Variants in SYMPK observed in about 807,000 individuals in gnomAD.
SYMPK encodes the protein symplekin scaffold protein.
SYMPK carries 49 observed loss-of-function variants against 136.4 expected under a neutral mutation model. The observed-to-expected ratio is 0.36, with a 90% CI of 0.29 to 0.46. SYMPK has a LOEUF of 0.46. Among genes scored for constraint, SYMPK ranks in the 20% least tolerant of loss-of-function variants. The pLI, the probability that SYMPK is intolerant of heterozygous loss-of-function variation, is 1.00. For missense variants in SYMPK, 1,365 were observed against 1,690.0 expected, an observed-to-expected ratio of 0.81 and a Z score of 3.37; for synonymous variants, 766 against 713.0, an observed-to-expected ratio of 1.07 and a Z score of -1.19.
intron 23 of SYMPK, chr19:45,817,266 A>G (rs896439314): frequency 2.5e-6 from 1 of 397,840 alleles, no homozygotes; most frequent in Middle Eastern, 6.8e-4. Flanking sequence ...CTCTCATGAC[A>G]TTCTCACGGC....
chr19:45,817,247 C>T, intron 23 of SYMPK: 1 of 445,442 alleles, frequency 2.2e-6, no homozygotes, highest in Non-Finnish European at 4.0e-6. Context: ...CTAAGTGCTG[C>T]GGGAGCACCT....
At position 45,826,031 on chromosome 19, in the gene SYMPK, G is replaced by C. The variant is rs867694994; in HGVS notation, c.2329+195C>G. 7.2e-5 allele frequency among the ~76,000 whole-genome samples: 11 copies of C among 152,094 alleles called. No homozygotes were observed. In the South Asian group the frequency reaches 2.3e-3, roughly 32 times the overall value. ...GATGGCTGGCTCTCCTCGTCCTCCA[G>C]ATCTCTCTCCCTGACCCCCCAGGCT... is the stretch of plus-strand genomic sequence containing the variant. On this transcript the variant is annotated intron_variant, in intron 17 of 26. Coordinates refer to ENST00000245934, the MANE Select transcript of SYMPK (RefSeq NM_004819.3).
At chr19:45,839,311 G>T (rs1230455714) in intron 9 of SYMPK, among the ~76,000 whole-genome samples, 1 of 152,178 alleles carries the variant, frequency 6.6e-6, no homozygotes, top group Non-Finnish European at 1.5e-5. Context: ...GGAAACCAGG[G>T]TTCCTTAAAA....
chr19:45,815,571 C>A lies in SYMPK; in HGVS notation c.3814G>T (p.Gly1272Trp). The change falls in exon 27 of 27, where the codon GGG becomes TGG. Residue 1272 changes from glycine to tryptophan, a missense_variant. Physicochemically the swap from Gly to Trp is radical, Grantham distance 184 (BLOSUM62 -2). Around this residue, in one of 11 missense-constraint regions of SYMPK, gnomAD observed 341 missense variants for 270.5 expected, o/e 1.26. Transcript: ENST00000245934. ...AEDAREPEAK[G>W]NS Reference sequence around the variant, plus strand: ...CCCCTCGAGCCCCGTCAGCTGTTCCCCTTGGCCTCGGGTTCCCTGGCGTCC... The same window carrying A: ...CCCCTCGAGCCCCGTCAGCTGTTCCACTTGGCCTCGGGTTCCCTGGCGTCC... The A allele has an allele frequency of 6.3e-7, 1 of 1,596,352 alleles. No individual in the cohort carries two copies.
chr19:45,845,896 G>C (rs972283369), intron 7 of SYMPK, among the ~76,000 whole-genome samples: 2 of 152,066 alleles, frequency 1.3e-5, no homozygotes, highest in East Asian at 1.9e-4. Context: ...CTTTAACTGG[G>C]GTGAGACATT....
intron 10 of SYMPK, among the ~76,000 whole-genome samples, chr19:45,836,862 A>G (rs985672725): frequency 4.6e-5 from 7 of 152,126 alleles, no homozygotes; most frequent in Non-Finnish European, 1.0e-4. Flanking sequence ...AAGGCTACAC[A>G]GTGAACTTTA....
chr19:45,838,065 C>G (rs758905150), intron 10 of SYMPK, among the ~76,000 whole-genome samples: 7 of 151,930 alleles, frequency 4.6e-5, no homozygotes, highest in Non-Finnish European at 1.0e-4. Flanking sequence ...GGGGCCTGGT[C>G]GGGGGTGTTT....
At chr19:45,830,481 A>G in intron 12 of SYMPK, 1 of 399,402 alleles carries the variant, frequency 2.5e-6, no homozygotes, top group South Asian at 3.1e-5. Context: ...TGTCTGGGGG[A>G]CCAGCTCTCC....
intron 2 of SYMPK, 42 bp from the exon 3 acceptor site, chr19:45,854,282 C>T (rs370801617): frequency 6.7e-5 from 108 of 1,611,140 alleles, no homozygotes; most frequent in Non-Finnish European, 8.6e-5. Flanking sequence ...CCAGCCCAGT[C>T]CAGCCCAGTG....
chr19:45,845,303 T>TAA (rs1971533977), intron 7 of SYMPK, among the ~76,000 whole-genome samples: 1 of 152,040 alleles, frequency 6.6e-6, no homozygotes, highest in African/African-American at 2.4e-5. Flanking sequence ...TTATTTGTTC[T>TAA]AACTATTTTT....
Position 45,827,824 on chromosome 19 carries a change from G to A in SYMPK, c.2067+13C>T. 1.9e-6 allele frequency: 3 copies of A among 1,613,764 alleles called. No homozygotes were observed. The highest frequency in any genetic ancestry group is 1.7e-6 in the Non-Finnish European group (2 of 1,179,850). ...CCCTGCCCCGGGCTGCACTGACCAG[G>A]GCCTGTCCTCACCTCATCCTCGCAG... On this transcript the variant is annotated intron_variant, in intron 15 of 26. Coordinates refer to ENST00000245934, the MANE Select transcript of SYMPK (RefSeq NM_004819.3).
At position 45,821,858 on chromosome 19, in the gene SYMPK, G is replaced by A. The variant is rs1970908398; in HGVS notation, c.2792-373C>T. On this transcript the variant is annotated intron_variant, in intron 21 of 26. Transcript: ENST00000245934. The surrounding 1 kb of genome is among the most constrained non-coding windows in gnomAD (Gnocchi z 4.4). ...GGGTCATGGGCATTTGTGGCACAGGGCAAGATGGAGCCAGGCTACAGGCTT... is the reference window on the plus strand; with the variant it reads ...GGGTCATGGGCATTTGTGGCACAGGACAAGATGGAGCCAGGCTACAGGCTT... 6.6e-6 allele frequency among the ~76,000 whole-genome samples: 1 copy of A among 152,178 alleles called. No homozygotes were observed.
At chr19:45,817,248 G>A in intron 23 of SYMPK, 1 of 447,630 alleles carries the variant, frequency 2.2e-6, no homozygotes. Flanking sequence ...TAAGTGCTGC[G>A]GGAGCACCTC....
intron 11 of SYMPK, among the ~76,000 whole-genome samples, chr19:45,834,260 C>A (rs1156471765): frequency 6.6e-6 from 1 of 151,974 alleles, no homozygotes; most frequent in Non-Finnish European, 1.5e-5. Flanking sequence ...TGCACTCCAA[C>A]CTGGGTGACA....
intron 10 of SYMPK, among the ~76,000 whole-genome samples, chr19:45,837,339 C>G (rs916592114): frequency 6.6e-6 from 1 of 151,932 alleles, no homozygotes; most frequent in African/African-American, 2.4e-5. Flanking sequence ...GTAGAATGGC[C>G]GGGCATGGTG....
Position 45,848,008 on chromosome 19 carries a change from G to A in SYMPK, c.427-7C>T. ...CCCGTGACTTTACCATCCACTGCCA[G>A]CAGGCCAGGAAGGAATGGAAGAGAC... is the stretch of plus-strand genomic sequence containing the variant. On this transcript the variant is annotated splice_polypyrimidine_tract_variant and splice_region_variant and intron_variant, in intron 6 of 26. Transcript: ENST00000245934. The A allele has an allele frequency of 6.4e-7, 1 of 1,572,800 alleles. No individual in the cohort carries two copies. Among genetic ancestry groups the A allele is most frequent in the South Asian group, 1.2e-5 (1 of 85,310 alleles).
chr19:45,854,792 G>A lies in SYMPK; in HGVS notation c.-12-285C>T, dbSNP rs1971781473. On this transcript the variant is annotated intron_variant, in intron 1 of 26. Coordinates refer to ENST00000245934, the MANE Select transcript of SYMPK (RefSeq NM_004819.3). ...ACAGCTGCTGAACGATGGGCCACAT[G>A]AACGTGCAACAGCCACCTTGCAGGT... 4 of 432,656 alleles carry A rather than the reference G, an allele frequency of 9.2e-6. No homozygotes were observed. The South Asian group carries it at 1.0e-4, about 11-fold the overall frequency. 26.8% of individuals were successfully genotyped at this position (432,656 alleles called of 1,614,324 possible). A position where few individuals can be genotyped will look rare whatever the true frequency, so the allele number is the denominator to read the frequency against.
chr19:45,841,009 G>A (rs1162261082), intron 9 of SYMPK, among the ~76,000 whole-genome samples: 6 of 149,772 alleles, frequency 4.0e-5, no homozygotes, highest in South Asian at 2.1e-4. Context: ...TTTTTGAGAC[G>A]GAGTCTTGCT....
At chr19:45,828,499 A>T in intron 14 of SYMPK, 1 of 178,242 alleles carries the variant, frequency 5.6e-6, no homozygotes, top group Admixed American at 5.5e-5. Context: ...AGAACCATGG[A>T]AGGTTCCTTG....
Sources: allele counts gnomAD v4.1 joint callset (sites outside exome capture counted in the v4.1 genomes callset), GRCh38; gene constraint gnomAD v4.1.1; regional missense constraint gnomAD v4.1.1; non-coding constraint Gnocchi (gnomAD v3.1); transcripts MANE v1.5; gene names NCBI Gene and HGNC (gene_info 2026-07-23, HGNC 2026-07-21).